The following LHX4 variants were observed in gnomAD, a reference collection of about 807,000 sequenced individuals.
The protein encoded by LHX4 is LIM homeobox 4.
A neutral mutation model predicts 39.2 loss-of-function variants in LHX4; 16 were observed. That is an observed-to-expected ratio of 0.41 (90% CI 0.28 to 0.62). The LOEUF is 0.62. Ranked by LOEUF, LHX4 falls within the 20% of genes least tolerant of loss-of-function variation. The pLI is 0.33. For missense variants in LHX4, 439 were observed against 511.9 expected, an observed-to-expected ratio of 0.86 and a Z score of 1.37; for synonymous variants, 206 against 198.1, an observed-to-expected ratio of 1.04 and a Z score of -0.33.
At chr1:180,252,525 G>A (rs990086283) in intron 2 of LHX4, among the ~76,000 whole-genome samples, 4 of 152,190 alleles carry the variant, frequency 2.6e-5, no homozygotes, top group African/African-American at 9.7e-5. Context: ...GTTCAGAGGT[G>A]GGGGCAGGGC....
At position 180,232,769 on chromosome 1, in the gene LHX4, C is replaced by A. The variant is rs1033708790; in HGVS notation, c.76+2164C>A. On this transcript the variant is annotated intron_variant, in intron 1 of 5. Transcript: ENST00000263726. This position sits in a 1 kb window ranked among gnomAD's most constrained non-coding sequence, Gnocchi z 5.4. ...TGGTGCTGGGACCGCGGGATAGGTC[C>A]CCATCACCCACATATACACAACTAT... Among the ~76,000 whole-genome samples the A allele has an allele frequency of 2.6e-5, 4 of 152,198 alleles. No individual in the cohort carries two copies. Among genetic ancestry groups the A allele is most frequent in the African/African-American group, 9.7e-5 (4 of 41,440 alleles).
At position 180,266,329 on chromosome 1, in the gene LHX4, A is replaced by G; in HGVS notation, c.249-63A>G. 2 of 1,544,008 alleles carry G rather than the reference A, an allele frequency of 1.3e-6. No homozygotes were observed. The highest frequency in any genetic ancestry group is 1.8e-6 in the Non-Finnish European group (2 of 1,118,866). ...GGGTAGGAGGGAGGCTGCTCCAGGAAGTTGGGGGAAGCCAGATCCCTTGCT... is the reference window on the plus strand; with the variant it reads ...GGGTAGGAGGGAGGCTGCTCCAGGAGGTTGGGGGAAGCCAGATCCCTTGCT... On this transcript the variant is annotated intron_variant, in intron 2 of 5. Coordinates refer to ENST00000263726, the MANE Select transcript of LHX4 (RefSeq NM_033343.4). This position sits in a 1 kb window ranked among gnomAD's most constrained non-coding sequence, Gnocchi z 5.7.
Position 180,274,310 on chromosome 1 carries a change from T to C in LHX4, c.904T>C (p.Leu302=). 6.2e-7 allele frequency: 1 copy of C among 1,614,240 alleles called. No homozygotes were observed. Among genetic ancestry groups the C allele is most frequent in the South Asian group, 1.1e-5 (1 of 91,088 alleles). ...CGGGACAGGACAATCCTATCAGGACTTGAGGGATGGGAGCCCCTATGGAAT... is the reference window on the plus strand; with the variant it reads ...CGGGACAGGACAATCCTATCAGGACCTGAGGGATGGGAGCCCCTATGGAAT... ...MDGTGQSYQD[L]RDGSPYGIPQ... The change falls in exon 6 of 6, where the codon TTG becomes CTG. Residue 302 remains leucine (L), a synonymous_variant. Transcript: ENST00000263726.
chr1:180,274,318 T>TG lies in LHX4; in HGVS notation c.915dup (p.Ser306GlufsTer32). 10 of 1,614,234 alleles carry TG rather than the reference T, an allele frequency of 6.2e-6. No homozygotes were observed. The highest frequency in any genetic ancestry group is 7.6e-6 in the Non-Finnish European group (9 of 1,180,040). On this transcript the variant is annotated frameshift_variant, in exon 6 of 6. Coordinates refer to ENST00000263726, the MANE Select transcript of LHX4 (RefSeq NM_033343.4). LOFTEE classifies it high-confidence loss of function. ...GACAATCCTATCAGGACTTGAGGGA[T>TG]GGGAGCCCCTATGGAATCCCCCAGT...
chr1:180,244,091 C>G (rs900870657), intron 1 of LHX4, among the ~76,000 whole-genome samples: 1 of 152,138 alleles, frequency 6.6e-6, no homozygotes, highest in East Asian at 1.9e-4. Flanking sequence ...ATTCCTTCCT[C>G]GTTGAGAGTG....
chr1:180,271,414 C>T lies in LHX4; in HGVS notation c.486C>T (p.Thr162=), dbSNP rs183432227. ...AGGCTGGAGCTAAGCGGCCCCGGACCACCATCACAGCCAAGCAGCTGGAGA... is the reference window on the plus strand; with the variant it reads ...AGGCTGGAGCTAAGCGGCCCCGGACTACCATCACAGCCAAGCAGCTGGAGA... ...DSEAGAKRPR[T]TITAKQLETL... Residue 162 remains threonine (T), a synonymous_variant, in exon 4 of 6, where the codon ACC becomes ACT. Transcript: ENST00000263726. 3 of 1,614,168 alleles carry T rather than the reference C, an allele frequency of 1.9e-6. No homozygotes were observed. Among genetic ancestry groups the T allele is most frequent in the African/African-American group, 2.7e-5 (2 of 75,014 alleles).
At chr1:180,271,778 G>A (rs549852121) in intron 4 of LHX4, 57 bp from the exon 5 acceptor site, 2 of 1,600,268 alleles carry the variant, frequency 1.2e-6, no homozygotes, top group East Asian at 4.5e-5. Flanking sequence ...GGGGTCCTGG[G>A]GGCTTTGGGT....
At chr1:180,274,111 T>C (rs1648868881) in intron 5 of LHX4, 74 bp from the exon 6 acceptor site, 13 of 1,578,302 alleles carry the variant, frequency 8.2e-6, no homozygotes, top group Non-Finnish European at 1.1e-5. Context: ...TCATGTGTGT[T>C]CCTAGGTTGT....
intron 2 of LHX4, among the ~76,000 whole-genome samples, chr1:180,259,169 T>C (rs375471369): frequency 8.2e-4 from 125 of 151,668 alleles, no homozygotes; most frequent in African/African-American, 2.9e-3. Flanking sequence ...GAGCACAGTG[T>C]AGGAGGCAGC....
intron 2 of LHX4, among the ~76,000 whole-genome samples, chr1:180,259,626 C>T (rs142853580): frequency 1.3e-5 from 2 of 151,366 alleles, no homozygotes; most frequent in Non-Finnish European, 1.5e-5. Context: ...CCCCGGCCCC[C>T]GAGGCACCAT....
chr1:180,266,325 A>C lies in LHX4; in HGVS notation c.249-67A>C, dbSNP rs1006427094. ...GGTGGGGTAGGAGGGAGGCTGCTCCAGGAAGTTGGGGGAAGCCAGATCCCT... is the reference window on the plus strand; with the variant it reads ...GGTGGGGTAGGAGGGAGGCTGCTCCCGGAAGTTGGGGGAAGCCAGATCCCT... On this transcript the variant is annotated intron_variant, in intron 2 of 5. Transcript: ENST00000263726. The surrounding 1 kb of genome is among the most constrained non-coding windows in gnomAD (Gnocchi z 5.7). 42 of 1,524,662 alleles carry C rather than the reference A, an allele frequency of 2.8e-5. No homozygotes were observed. Among genetic ancestry groups the C allele is most frequent in the Non-Finnish European group, 3.8e-5 (42 of 1,101,890 alleles). The allele number at this position is 1,524,662 out of a possible 1,614,324, so 94.4% of individuals were successfully genotyped here. A position where few individuals can be genotyped will look rare whatever the true frequency, so the allele number is the denominator to read the frequency against.
chr1:180,240,691 G>T (rs1007446981), intron 1 of LHX4, among the ~76,000 whole-genome samples: 1 of 152,200 alleles, frequency 6.6e-6, no homozygotes, highest in Non-Finnish European at 1.5e-5. Context: ...ACAAATGCAT[G>T]ATATTTATTA....
chr1:180,230,261 G>C (rs1222156241), upstream of LHX4: 3 of 548,866 alleles, frequency 5.5e-6, no homozygotes, highest in African/African-American at 5.7e-5. This position sits in a 1 kb window ranked among gnomAD's most constrained non-coding sequence, Gnocchi z 5.8. Flanking sequence ...GAGGAAAAAA[G>C]CCAGAGCTGC....
At chr1:180,238,886 C>T (rs1439262746) in intron 1 of LHX4, among the ~76,000 whole-genome samples, 2 of 152,130 alleles carry the variant, frequency 1.3e-5, no homozygotes, top group African/African-American at 4.8e-5. Flanking sequence ...AGTCGTGGGC[C>T]TCAGGTTTTC....
intron 2 of LHX4, among the ~76,000 whole-genome samples, chr1:180,265,933 G>C (rs1419160276): frequency 6.6e-6 from 1 of 152,194 alleles, no homozygotes; most frequent in African/African-American, 2.4e-5. Flanking sequence ...CCCTGGGAGT[G>C]TGTGAAAAGG....
In LHX4 at chr1:180,266,639, T is replaced by C. The variant is rs763465574; in HGVS notation, c.451+45T>C. ...ATGGTCCCCTCTCCAGGCCTTTGTTTGGGCCACGCCCTCTGCCTGAGGTGC... is the reference window on the plus strand; with the variant it reads ...ATGGTCCCCTCTCCAGGCCTTTGTTCGGGCCACGCCCTCTGCCTGAGGTGC... On this transcript the variant is annotated intron_variant, in intron 3 of 5. Transcript: ENST00000263726. This position sits in a 1 kb window ranked among gnomAD's most constrained non-coding sequence, Gnocchi z 5.7. 20 of 1,585,682 alleles carry C rather than the reference T, an allele frequency of 1.3e-5. No homozygotes were observed. In the East Asian group the frequency reaches 4.5e-4, roughly 36 times the overall value.
Position 180,232,048 on chromosome 1 carries a change from T to C in LHX4, c.76+1443T>C, listed in dbSNP as rs932925539. Among the ~76,000 whole-genome samples the C allele has an allele frequency of 1.3e-5, 2 of 152,190 alleles. No homozygotes were observed. The highest frequency in any genetic ancestry group is 2.9e-5 in the Non-Finnish European group (2 of 68,028). ...GGAGTTTACCGCTAAGATGTTTTCATAGAAGGCATTGGAGATTCACTACGC... is the reference window on the plus strand; with the variant it reads ...GGAGTTTACCGCTAAGATGTTTTCACAGAAGGCATTGGAGATTCACTACGC... On this transcript the variant is annotated intron_variant, in intron 1 of 5. Transcript: ENST00000263726. The surrounding 1 kb of genome is among the most constrained non-coding windows in gnomAD (Gnocchi z 5.4).
At chr1:180,260,251 C>A (rs981132595) in intron 2 of LHX4, among the ~76,000 whole-genome samples, 1 of 151,740 alleles carries the variant, frequency 6.6e-6, no homozygotes, top group Non-Finnish European at 1.5e-5. Context: ...TTATTACCAG[C>A]GTCTCAGTGA....
chr1:180,230,901 A>C lies in LHX4; in HGVS notation c.76+296A>C, dbSNP rs377427470. On this transcript the variant is annotated intron_variant, in intron 1 of 5. Transcript: ENST00000263726. This position sits in a 1 kb window ranked among gnomAD's most constrained non-coding sequence, Gnocchi z 5.8. ...GCTGGGGAGAGTGCTGTTTGGGGAC[A>C]CCCAGGGGTACGAGCTGTAGGCCAG... 2.0e-5 allele frequency among the ~76,000 whole-genome samples: 3 copies of C among 152,286 alleles called. No homozygotes were observed. The highest frequency in any genetic ancestry group is 3.9e-4 in the East Asian group (2 of 5,174).
Sources: gnomAD v4.1 joint callset for allele counts (sites outside exome capture counted in the v4.1 genomes callset) on GRCh38, gnomAD v4.1.1 for gene constraint, Gnocchi (gnomAD v3.1) non-coding constraint, MANE v1.5 for transcripts, NCBI Gene and HGNC (gene_info 2026-07-23, HGNC 2026-07-21) for gene names.